The following CADPS variants were observed in gnomAD, a reference collection of about 807,000 sequenced individuals.
CADPS encodes the protein calcium-dependent secretion activator 1.
A neutral mutation model predicts 167.3 loss-of-function variants in CADPS; 57 were observed. The observed-to-expected ratio is 0.34, with a 90% confidence interval of 0.28 to 0.42. The LOEUF (loss-of-function observed/expected upper bound fraction) is 0.42. CADPS is among the 20% of genes least tolerant of loss of function. The pLI is 1.00. For missense variants in CADPS, 1,414 were observed against 1,738.1 expected, an observed-to-expected ratio of 0.81 and a Z score of 3.32; for synonymous variants, 676 against 635.3, an observed-to-expected ratio of 1.06 and a Z score of -0.96.
In CADPS at chr3:62,417,276, C is replaced by CTTTT. The variant is rs11353455; in HGVS notation, c.3778-14095_3778-14092dup. ...ACACAATAACTATTTTTCTTTTACT[C>CTTTT]TTTTTTTTTTTTTTTTTTTTTTTTT... is the stretch of plus-strand genomic sequence containing the variant. On this transcript the variant is annotated intron_variant, in intron 28 of 29. Transcript: ENST00000383710. 5.9e-4 allele frequency among the ~76,000 whole-genome samples: 38 copies of CTTTT among 64,038 alleles called. 9 individuals carry two copies. Among genetic ancestry groups the CTTTT allele is most frequent in the South Asian group, 1.5e-3 (2 of 1,328 alleles). 42.0% of individuals were successfully genotyped at this position (64,038 alleles called of 152,430 possible). A position where few individuals can be genotyped will look rare whatever the true frequency, so the allele number is the denominator to read the frequency against.
intron 6 of CADPS, among the ~76,000 whole-genome samples, chr3:62,609,130 A>T (rs530292599): frequency 2.0e-5 from 3 of 152,334 alleles, no homozygotes; most frequent in African/African-American, 7.2e-5. Flanking sequence ...TGCTTTCTTT[A>T]ACCCCTGGGG....
chr3:62,548,865 C>G (rs1162412628), intron 11 of CADPS, among the ~76,000 whole-genome samples: 1 of 152,244 alleles, frequency 6.6e-6, no homozygotes, highest in Non-Finnish European at 1.5e-5. Flanking sequence ...TCAGTCACCA[C>G]TAAATGACAT....
chr3:62,774,336 A>AAAAAG (rs200133262), intron 1 of CADPS, among the ~76,000 whole-genome samples: 1 of 152,140 alleles, frequency 6.6e-6, no homozygotes, highest in Admixed American at 6.5e-5. Context: ...TTAAAAAAAA[A>AAAAAG]AACGTACTTT....
At chr3:62,567,450 G>A (rs1461285973) in intron 9 of CADPS, among the ~76,000 whole-genome samples, 2 of 151,282 alleles carry the variant, frequency 1.3e-5, no homozygotes, top group Non-Finnish European at 2.9e-5. Flanking sequence ...CCCTGAAACA[G>A]TGCACAGTCT....
intron 1 of CADPS, among the ~76,000 whole-genome samples, chr3:62,783,214 T>A (rs1418770799): frequency 6.6e-6 from 1 of 152,154 alleles, no homozygotes; most frequent in Non-Finnish European, 1.5e-5. Flanking sequence ...CAGTGATGTG[T>A]GTTCTCTCTG....
intron 27 of CADPS, chr3:62,439,431 A>T (rs962271593): frequency 6.6e-6 from 1 of 152,222 alleles, no homozygotes; most frequent in African/African-American, 2.4e-5. Flanking sequence ...TATTAATTTG[A>T]AAAACAATGA....
At chr3:62,541,938 C>T (rs931825429) in intron 11 of CADPS, among the ~76,000 whole-genome samples, 3 of 151,978 alleles carry the variant, frequency 2.0e-5, no homozygotes, top group South Asian at 2.1e-4. Flanking sequence ...ATGTAATTTT[C>T]CTGGAAGAAT....
chr3:62,645,587 C>A, intron 6 of CADPS, 135 bp downstream of exon 6: 1 of 925,398 alleles, frequency 1.1e-6, no homozygotes, highest in South Asian at 1.9e-5. Context: ...GGCAAGTCAT[C>A]TTGTTTGAAA....
intron 6 of CADPS, among the ~76,000 whole-genome samples, chr3:62,616,793 A>G (rs977111068): frequency 1.3e-5 from 2 of 152,208 alleles, no homozygotes; most frequent in Non-Finnish European, 2.9e-5. Context: ...AAGGCTGAGG[A>G]AAGTTTTCGT....
intron 6 of CADPS, among the ~76,000 whole-genome samples, chr3:62,643,300 C>T (rs763170541): frequency 2.0e-5 from 3 of 152,218 alleles, no homozygotes; most frequent in Non-Finnish European, 4.4e-5. Context: ...GCCTCGAACC[C>T]TTCTCAATAC....
intron 3 of CADPS, among the ~76,000 whole-genome samples, chr3:62,703,054 T>G (rs751206933): frequency 6.6e-6 from 1 of 152,126 alleles, no homozygotes; most frequent in Non-Finnish European, 1.5e-5. Context: ...GTTTCATAAT[T>G]ATGTCAGAAT....
Position 62,601,100 on chromosome 3 carries a change from G to C in CADPS, c.1326-8352C>G, listed in dbSNP as rs1388692284. On this transcript the variant is annotated intron_variant, in intron 6 of 29. Coordinates refer to ENST00000383710, the MANE Select transcript of CADPS (RefSeq NM_003716.4). This position sits in a 1 kb window ranked among gnomAD's most constrained non-coding sequence, Gnocchi z 4.3. ...GTCTTCATTTTAGGATTATAGACCA[G>C]GGGTTGTTAAACTATGGCCATGGGT... Among the ~76,000 whole-genome samples the C allele has an allele frequency of 1.3e-5, 2 of 152,198 alleles. No individual in the cohort carries two copies. The highest frequency in any genetic ancestry group is 2.9e-5 in the Non-Finnish European group (2 of 68,034).
intron 6 of CADPS, among the ~76,000 whole-genome samples, chr3:62,643,194 T>C (rs1343090045): frequency 2.0e-5 from 3 of 152,198 alleles, no homozygotes; most frequent in East Asian, 1.9e-4. Flanking sequence ...TGGGATACTA[T>C]AGAAATGGCA....
In CADPS at chr3:62,742,386, G is replaced by T. The variant is rs137937945; in HGVS notation, c.888+11055C>A. 5.6e-3 allele frequency among the ~76,000 whole-genome samples: 859 copies of T among 152,226 alleles called. 38 individuals are homozygous for T. In the South Asian group the frequency reaches 0.11, roughly 20 times the overall value. Reference sequence around the variant, plus strand: ...ACCTGACTTCAAACTATACTACAGGGCTACAGTAACCAAAACAGCATTGTA... The same window carrying T: ...ACCTGACTTCAAACTATACTACAGGTCTACAGTAACCAAAACAGCATTGTA... On this transcript the variant is annotated intron_variant, in intron 3 of 29. Coordinates refer to ENST00000383710, the MANE Select transcript of CADPS (RefSeq NM_003716.4).
chr3:62,680,744 G>A (rs1243156312), intron 3 of CADPS, among the ~76,000 whole-genome samples: 5 of 151,888 alleles, frequency 3.3e-5, no homozygotes, highest in Non-Finnish European at 5.9e-5. Flanking sequence ...AATCAGTGTA[G>A]CTCTTTTAAA....
At chr3:62,769,285 G>A (rs1055148288) in intron 1 of CADPS, among the ~76,000 whole-genome samples, 11 of 151,826 alleles carry the variant, frequency 7.2e-5, no homozygotes, top group Middle Eastern at 3.4e-3. Flanking sequence ...AGGCTGGAGT[G>A]CAGTGGTGTG....
rs569497830 is a variant in CADPS, at chr3:62,525,859, G to A, written c.2291+7012C>T. 1.8e-4 allele frequency among the ~76,000 whole-genome samples: 28 copies of A among 152,138 alleles called. 2 individuals are homozygous for A. In the South Asian group the frequency reaches 5.2e-3, roughly 28 times the overall value. On this transcript the variant is annotated intron_variant, in intron 13 of 29. Coordinates refer to ENST00000383710, the MANE Select transcript of CADPS (RefSeq NM_003716.4). ...ACCATTATGTGACATGGATTGAAAC[G>A]GCCACCCAACATTGGAGGCAAGGGC...
At chr3:62,432,162 G>A (rs2054114607) in intron 28 of CADPS, among the ~76,000 whole-genome samples, 1 of 152,040 alleles carries the variant, frequency 6.6e-6, no homozygotes. Flanking sequence ...GAAGGAACAA[G>A]TAGTTCTATG....
chr3:62,604,002 T>C (rs1411949457), intron 6 of CADPS, among the ~76,000 whole-genome samples: 1 of 151,782 alleles, frequency 6.6e-6, no homozygotes, highest in Non-Finnish European at 1.5e-5. Context: ...AATTTTTTTT[T>C]TTTATTTTTA....
Sources: allele counts gnomAD v4.1 joint callset (sites outside exome capture counted in the v4.1 genomes callset), GRCh38; gene constraint gnomAD v4.1.1; non-coding constraint Gnocchi (gnomAD v3.1); transcripts MANE v1.5; gene names NCBI Gene and HGNC (gene_info 2026-07-23, HGNC 2026-07-21).